The following RAB34 variants were observed in gnomAD, a reference collection of about 807,000 sequenced individuals.
RAB34 encodes ras-related protein Rab-34.
RAB34 carries 33 observed loss-of-function variants against 39.0 expected under a neutral mutation model. That is an observed-to-expected ratio of 0.85 (90% CI 0.64 to 1.13). The LOEUF is 1.13. RAB34 is among the 50% of genes most tolerant of loss of function. The probability of loss-of-function intolerance (pLI) is 0.00; values close to 1 mark genes in which losing one functional copy is unlikely to be tolerated. For synonymous variants in RAB34, 135 were observed against 125.1 expected, an observed-to-expected ratio of 1.08 and a Z score of -0.53; for missense variants, 289 against 326.1, an observed-to-expected ratio of 0.89 and a Z score of 0.88.
chr17:28,714,611 G>T lies in RAB34; in HGVS notation c.*32C>A. 6.2e-7 allele frequency: 1 copy of T among 1,613,972 alleles called. No individual in the cohort carries two copies. Among genetic ancestry groups the T allele is most frequent in the Non-Finnish European group, 8.5e-7 (1 of 1,179,972 alleles). On this transcript the variant is annotated 3_prime_UTR_variant, in exon 10 of 10. Coordinates refer to ENST00000395245, the MANE Select transcript of RAB34 (RefSeq NM_031934.6). ...AATGAGGGTGGCACAGTGCCCTAGG[G>T]CTGGGCAGTCTCTGAACAGTCTCCT... is the stretch of plus-strand genomic sequence containing the variant.
chr17:28,717,019 T>C lies in RAB34; in HGVS notation c.55-25A>G, dbSNP rs75638893. 717 of 1,611,142 alleles carry C rather than the reference T, an allele frequency of 4.5e-4. 7 individuals carry two copies. In the East Asian group the frequency reaches 0.013, roughly 30 times the overall value. ...ACTTAGTGGGAAGGATGGAAGAGAA[T>C]GGAGCTTCCTACTCCTGGCCCTTGT... On this transcript the variant is annotated intron_variant, in intron 1 of 9. Coordinates refer to ENST00000395245, the MANE Select transcript of RAB34 (RefSeq NM_031934.6).
Position 28,717,503 on chromosome 17 carries a change from G to A in RAB34, c.-237C>T, listed in dbSNP as rs926915440. ...GCCCAAAATCACCCGGGCCCTGGGC[G>A]TCCCGAAGATGACTCTGGGGCGAGG... On this transcript the variant is annotated 5_prime_UTR_variant, in exon 1 of 10. It adds an upstream start codon to the 5' untranslated region. Coordinates refer to ENST00000395245, the MANE Select transcript of RAB34 (RefSeq NM_031934.6). 6.3e-6 allele frequency: 9 copies of A among 1,430,824 alleles called. No homozygotes were observed. In the African/African-American group the frequency reaches 8.8e-5, roughly 14 times the overall value. The allele number at this position is 1,430,824 out of a possible 1,614,324, so 88.6% of individuals were successfully genotyped here.
At chr17:28,715,740 T>C (rs750130854) in intron 4 of RAB34, 35 bp from the exon 5 acceptor site, 8 of 1,613,560 alleles carry the variant, frequency 5.0e-6, no homozygotes, top group Non-Finnish European at 5.1e-6. Context: ...CAGGTATGTA[T>C]CTTGGGGGGT....
chr17:28,715,148 G>A lies in RAB34; in HGVS notation c.514-26C>T, dbSNP rs778718549. On this transcript the variant is annotated intron_variant, in intron 7 of 9. Coordinates refer to ENST00000395245, the MANE Select transcript of RAB34 (RefSeq NM_031934.6). ...CTGAGGGAAGGCCAGAGTCAGAGGG[G>A]GGCATTCCCTCACCAAGCTGGGAAG... The A allele has an allele frequency of 2.5e-6, 4 of 1,612,584 alleles. No individual in the cohort carries two copies. In the East Asian group the frequency reaches 8.9e-5, roughly 36 times the overall value.
upstream of RAB34, chr17:28,718,185 G>T: frequency 6.2e-7 from 1 of 1,607,942 alleles, no homozygotes; most frequent in Non-Finnish European, 8.5e-7. Flanking sequence ...CCAGGAACCA[G>T]CAGGGAGGGG....
At position 28,716,915 on chromosome 17, in the gene RAB34, G is replaced by C. The variant is rs1360129104; in HGVS notation, c.134C>G (p.Thr45Arg). The C allele has an allele frequency of 6.2e-7, 1 of 1,613,086 alleles. No homozygotes were observed. The highest frequency in any genetic ancestry group is 1.1e-5 in the South Asian group (1 of 91,028). Residue 45 changes from threonine to arginine, a missense_variant, in exon 2 of 10, where the codon ACA becomes AGA. Transcript: ENST00000395245. ...RVTCACQEHR[T>R]GTVGFKISKV... ...GTCCCTAACTCACCCCACGGTGCCT[G>C]TCCGGTGCTCCTGGCAGGCGCAGGT...
rs1452536252 is a variant in RAB34 at position 28,715,276 on chromosome 17, C to A, written c.432G>T (p.Lys144Asn). Residue 144 changes from lysine (K) to asparagine (N), a missense_variant and splice_region_variant, in exon 7 of 10, where the codon AAG becomes AAT. Coordinates refer to ENST00000395245, the MANE Select transcript of RAB34 (RefSeq NM_031934.6). The stretch of plus-strand genomic sequence containing the variant: ...CCTTCAGGGCATCGGCCAGCCACTG[C>A]CTGCCATGGGAGGTGGAAAGTAAGG... ...LNDVASLEHT[K>N]QWLADALKEN... is the part of the protein sequence containing the mutation. 1 of 1,612,682 alleles carries A rather than the reference C, an allele frequency of 6.2e-7. No individual in the cohort carries two copies. Among genetic ancestry groups the A allele is most frequent in the Non-Finnish European group, 8.5e-7 (1 of 1,179,578 alleles).
Position 28,717,226 on chromosome 17 carries a change from G to C in RAB34, c.41C>G (p.Ala14Gly). Residue 14 changes from alanine to glycine, a missense_variant, in exon 1 of 10, where the codon GCG becomes GGG. By Grantham distance (60) the Ala-to-Gly change is moderately conservative. Coordinates refer to ENST00000395245, the MANE Select transcript of RAB34 (RefSeq NM_031934.6). ...CCCGGCGCCTACCTGGGGCAGCTCCGCCAGGACGCGATCCCTCCGCACGGG... is the reference window on the plus strand; with the variant it reads ...CCCGGCGCCTACCTGGGGCAGCTCCCCCAGGACGCGATCCCTCCGCACGGG... ...LAPVRRDRVLAELPQCLRKEA... is the reference protein window; with the variant it reads ...LAPVRRDRVLGELPQCLRKEA... 1 of 1,605,028 alleles carries C rather than the reference G, an allele frequency of 6.2e-7. No individual in the cohort carries two copies. Among genetic ancestry groups the C allele is most frequent in the East Asian group, 2.2e-5 (1 of 44,708 alleles).
Position 28,717,311 on chromosome 17 carries a change from G to C in RAB34, c.-45C>G, listed in dbSNP as rs1396371970. On this transcript the variant is annotated 5_prime_UTR_variant, in exon 1 of 10. Coordinates refer to ENST00000395245, the MANE Select transcript of RAB34 (RefSeq NM_031934.6). ...GGCGCCCTGAGAAGGCGCCGAGGCC[G>C]GATCCGCGTCAGCGACCCGGGCGCG... 1.3e-6 allele frequency: 2 copies of C among 1,556,472 alleles called. No homozygotes were observed. Among genetic ancestry groups the C allele is most frequent in the African/African-American group, 1.4e-5 (1 of 73,434 alleles).
At chr17:28,716,732 C>CCTCATAG in intron 2 of RAB34, 171 bp downstream of exon 2, 3 of 760,654 alleles carry the variant, frequency 3.9e-6, no homozygotes, top group Non-Finnish European at 5.9e-6. Context: ...ATAGAACTCA[C>CCTCATAG]AACAACCTTG....
chr17:28,717,952 A>ACCC, upstream of RAB34: 1 of 512,042 alleles, frequency 2.0e-6, no homozygotes, highest in Non-Finnish European at 2.3e-6. Flanking sequence ...CGCCCTCGCC[A>ACCC]CCCCCTCCTC....
chr17:28,714,977 T>A, intron 8 of RAB34, 55 bp downstream of exon 8: 2 of 1,600,166 alleles, frequency 1.2e-6, no homozygotes, highest in South Asian at 2.2e-5. Flanking sequence ...GGTGTAGCAG[T>A]GAGAGGAGAG....
chr17:28,717,294 G>A lies in RAB34; in HGVS notation c.-28C>T, dbSNP rs1567738679. 6.3e-7 allele frequency: 1 copy of A among 1,579,828 alleles called. No individual in the cohort carries two copies. Among genetic ancestry groups the A allele is most frequent in the Non-Finnish European group, 8.6e-7 (1 of 1,166,676 alleles). On this transcript the variant is annotated 5_prime_UTR_variant, in exon 1 of 10. An upstream open reading frame in the 5' UTR gains an earlier in-frame stop. Coordinates refer to ENST00000395245, the MANE Select transcript of RAB34 (RefSeq NM_031934.6). ...TGCCTGCGGCCTTGCAGGGCGCCCT[G>A]AGAAGGCGCCGAGGCCGGATCCGCG...
At chr17:28,718,030 C>T, upstream of RAB34, 1 of 1,371,316 alleles carries the variant, frequency 7.3e-7, no homozygotes, top group Non-Finnish European at 9.6e-7. Context: ...AGGACCGCCC[C>T]GACCCAGGCT....
chr17:28,716,118 C>T (rs1389541074), intron 2 of RAB34, 60 bp from the exon 3 acceptor site: 2 of 1,609,612 alleles, frequency 1.2e-6, no homozygotes, highest in East Asian at 4.5e-5. Context: ...CTAGGGAGTT[C>T]CAATGCTCCC....
In RAB34 at chr17:28,717,500, G is replaced by A; in HGVS notation, c.-234C>T. On this transcript the variant is annotated 5_prime_UTR_variant, in exon 1 of 10. Transcript: ENST00000395245. Reference sequence around the variant, plus strand: ...CGAGCCCAAAATCACCCGGGCCCTGGGCGTCCCGAAGATGACTCTGGGGCG... The same window carrying A: ...CGAGCCCAAAATCACCCGGGCCCTGAGCGTCCCGAAGATGACTCTGGGGCG... The A allele has an allele frequency of 5.6e-6, 8 of 1,434,006 alleles. No homozygotes were observed. The highest frequency in any genetic ancestry group is 7.3e-6 in the Non-Finnish European group (8 of 1,096,392). 88.8% of individuals were successfully genotyped at this position (1,434,006 alleles called of 1,614,324 possible).
At position 28,714,631 on chromosome 17, in the gene RAB34, T is replaced by A. The variant is rs748393028; in HGVS notation, c.*12A>T. ...CTAGGGCTGGGCAGTCTCTGAACAG[T>A]CTCCTCAGCCCTCATGGGCAACATG... On this transcript the variant is annotated 3_prime_UTR_variant, in exon 10 of 10. Transcript: ENST00000395245. 12 of 1,613,984 alleles carry A rather than the reference T, an allele frequency of 7.4e-6. No individual in the cohort carries two copies. The South Asian group carries it at 1.3e-4, about 18-fold the overall frequency.
rs200182343 is a variant in RAB34, at chr17:28,715,868, C to T, written c.246G>A (p.Lys82=). 3 of 1,614,038 alleles carry T rather than the reference C, an allele frequency of 1.9e-6. No individual in the cohort carries two copies. Among genetic ancestry groups the T allele is most frequent in the East Asian group, 4.5e-5 (2 of 44,886 alleles). Residue 82 remains lysine (K), a synonymous_variant, in exon 4 of 10, where the codon AAG becomes AAA. Transcript: ENST00000395245. ...FCKDTFDKNY[K]ATIGVDFEME... The stretch of plus-strand genomic sequence containing the variant: ...TCTCGAAGTCCACTCCAATGGTGGC[C>T]TTGTAATTCTTATCAAAGGTGTCTT...
At chr17:28,715,958 C>T (rs200999877) in intron 3 of RAB34, 35 bp downstream of exon 3, 1 of 1,613,650 alleles carries the variant, frequency 6.2e-7, no homozygotes, top group Admixed American at 1.7e-5. Flanking sequence ...AGGCTTGGCC[C>T]CACCCTGCCC....
Sources: gnomAD v4.1 joint callset for allele counts on GRCh38, gnomAD v4.1.1 for gene constraint, MANE v1.5 for transcripts, NCBI Gene and HGNC (gene_info 2026-07-23, HGNC 2026-07-21) for gene names.